The following PCDH15 variants were observed in gnomAD, a reference collection of about 807,000 sequenced individuals.
PCDH15 encodes the protein protocadherin-15.
Under a neutral mutation model 178.5 loss-of-function variants are expected in PCDH15, and 129 were observed. The ratio of observed to expected loss-of-function variants is 0.72; its 90% CI spans 0.63 to 0.84. PCDH15 has a LOEUF of 0.84. Ranked by LOEUF, PCDH15 falls within the 40% of genes least tolerant of loss-of-function variation. PCDH15 has a pLI of 0.00. For synonymous variants in PCDH15, 800 were observed against 732.0 expected (o/e 1.09, Z -1.50); for missense variants, 2,230 against 2,099.9 (o/e 1.06, Z -1.21).
intron 8 of PCDH15, among the ~76,000 whole-genome samples, chr10:54,310,190 T>C (rs193238194): frequency 3.9e-4 from 60 of 152,166 alleles, no homozygotes; most frequent in African/African-American, 1.4e-3. Flanking sequence ...CTTTGAATGA[T>C]AAGATAAAAG....
In PCDH15 at chr10:53,806,539, T is replaced by TGTAA. The variant is rs200157124; in HGVS notation, c.*36_*39dup. 10,803 of 1,444,890 alleles carry TGTAA rather than the reference T, an allele frequency of 7.5e-3. 56 individuals carry two copies. Among genetic ancestry groups the TGTAA allele is most frequent in the Non-Finnish European group, 8.8e-3 (9,360 of 1,068,552 alleles). The allele number at this position is 1,444,890 out of a possible 1,614,324, so 89.5% of individuals were successfully genotyped here. On this transcript the variant is annotated 3_prime_UTR_variant, in exon 38 of 38. Coordinates refer to ENST00000644397, the MANE Select transcript of PCDH15 (RefSeq NM_001384140.1). Reference sequence around the variant, plus strand: ...AATAAAAAGCACAGTTTATTAAAAATGTAAGTAAAAATTAATTAAAATATC... The same window carrying TGTAA: ...AATAAAAAGCACAGTTTATTAAAAATGTAAGTAAGTAAAAATTAATTAAAATATC...
chr10:53,809,217 T>A, intron 37 of PCDH15: 1 of 1,613,942 alleles, frequency 6.2e-7, no homozygotes, highest in Non-Finnish European at 8.5e-7. Context: ...CAGACTCTTC[T>A]TCACTGTATT....
At chr10:54,776,437 T>C (rs77350520) in intron 1 of PCDH15, among the ~76,000 whole-genome samples, 24 of 145,370 alleles carry the variant, frequency 1.7e-4, no homozygotes, top group African/African-American at 5.8e-4. Flanking sequence ...ACCATACAAT[T>C]AAAAAAAAAA....
chr10:55,341,805 ATTTTTTTTTTTTT>A (rs869187882), intron 2 of PCDH15, among the ~76,000 whole-genome samples: 283 of 15,932 alleles, frequency 0.018, 1 homozygote, highest in African/African-American at 0.028. Context: ...ATATATATAT[ATTTTTTTTTTTTT>A]TTTTTTTTTT....
At chr10:55,383,124 C>T (rs1433205676) in intron 2 of PCDH15, among the ~76,000 whole-genome samples, 1 of 151,996 alleles carries the variant, frequency 6.6e-6, no homozygotes, top group African/African-American at 2.4e-5. Context: ...ATGGGAGTGG[C>T]TCTCAGTGGA....
chr10:55,399,098 A>C (rs1838000192), intron 2 of PCDH15, among the ~76,000 whole-genome samples: 1 of 152,192 alleles, frequency 6.6e-6, no homozygotes, highest in Non-Finnish European at 1.5e-5. Flanking sequence ...GTATATGTAC[A>C]AAATTCATTT....
At chr10:54,217,044 C>T (rs1478538452) in intron 9 of PCDH15, among the ~76,000 whole-genome samples, 1 of 152,022 alleles carries the variant, frequency 6.6e-6, no homozygotes, top group African/African-American at 2.4e-5. Flanking sequence ...CAAAGGAATA[C>T]ATACACACAT....
intron 2 of PCDH15, among the ~76,000 whole-genome samples, chr10:55,077,923 A>C (rs138232543): frequency 2.0e-5 from 3 of 152,072 alleles, no homozygotes; most frequent in Non-Finnish European, 2.9e-5. Context: ...TGAGTTTTAT[A>C]CTTTTGTATA....
chr10:54,955,482 T>A (rs1838461932), intron 2 of PCDH15, among the ~76,000 whole-genome samples: 1 of 151,284 alleles, frequency 6.6e-6, no homozygotes, highest in Admixed American at 6.6e-5. Flanking sequence ...CAGTAAAAAA[T>A]TAAATAAAAT....
chr10:55,179,925 A>T (rs1457862449), intron 1 of PCDH15, among the ~76,000 whole-genome samples: 1 of 152,056 alleles, frequency 6.6e-6, no homozygotes, highest in African/African-American at 2.4e-5. Context: ...TCTCTCAGAA[A>T]TTCAAAACTG....
intron 3 of PCDH15, among the ~76,000 whole-genome samples, chr10:54,831,846 CA>C (rs1953231726): frequency 6.6e-6 from 1 of 151,938 alleles, no homozygotes; most frequent in African/African-American, 2.4e-5. Context: ...AAATAAAAGA[CA>C]AAGTATAAAG....
At chr10:55,381,512 T>C (rs573130720) in intron 2 of PCDH15, among the ~76,000 whole-genome samples, 5 of 152,118 alleles carry the variant, frequency 3.3e-5, no homozygotes, top group African/African-American at 7.2e-5. Flanking sequence ...CAGAGCATAC[T>C]GGAGAACAAG....
chr10:54,727,501 TCA>T (rs960091544), intron 1 of PCDH15, among the ~76,000 whole-genome samples: 3 of 150,662 alleles, frequency 2.0e-5, no homozygotes, highest in Non-Finnish European at 4.5e-5. Flanking sequence ...AAGACAGATT[TCA>T]CACTAACAAC....
Position 53,900,609 on chromosome 10 carries a change from C to T in PCDH15, c.3501+2634G>A, listed in dbSNP as rs117659869. Among the ~76,000 whole-genome samples, 1,264 of 152,218 alleles carry T rather than the reference C, an allele frequency of 8.3e-3. 9 individuals are homozygous for T. The highest frequency in any genetic ancestry group is 0.014 in the Middle Eastern group (4 of 294). ...ATCACAGACCATCATCAACAAAATC[C>T]CCTAAATGTTCAACTTTCCCTCTGA... On this transcript the variant is annotated intron_variant, in intron 26 of 37. Coordinates refer to ENST00000644397, the MANE Select transcript of PCDH15 (RefSeq NM_001384140.1).
chr10:54,534,766 C>A (rs563906158), intron 2 of PCDH15, among the ~76,000 whole-genome samples: 1 of 152,130 alleles, frequency 6.6e-6, no homozygotes, highest in Middle Eastern at 3.2e-3. Context: ...ATGTCACAAG[C>A]AGCAGGAGAG....
At chr10:55,385,836 C>T (rs536045658) in intron 2 of PCDH15, among the ~76,000 whole-genome samples, 210 of 149,066 alleles carry the variant, frequency 1.4e-3, no homozygotes, top group African/African-American at 5.0e-3. Flanking sequence ...CGTATATATA[C>T]GTAGATATGC....
At chr10:55,503,345 AAAAT>A (rs1344264980) in intron 2 of PCDH15, among the ~76,000 whole-genome samples, 2 of 148,884 alleles carry the variant, frequency 1.3e-5, no homozygotes, top group African/African-American at 4.9e-5. Flanking sequence ...TTTATTAATT[AAAAT>A]AAATTTAAAT....
intron 17 of PCDH15, among the ~76,000 whole-genome samples, chr10:54,071,213 A>G (rs1040369119): frequency 6.6e-6 from 1 of 152,174 alleles, no homozygotes; most frequent in African/African-American, 2.4e-5. Flanking sequence ...TAAATAATAC[A>G]ATTTTCATTT....
chr10:54,820,014 GAA>G (rs10712301), intron 3 of PCDH15, among the ~76,000 whole-genome samples: 37 of 151,598 alleles, frequency 2.4e-4, no homozygotes, highest in Middle Eastern at 3.4e-3. Flanking sequence ...TAAGTTTCTG[GAA>G]AAAAAAAATC....
Sources: gnomAD v4.1 joint callset for allele counts (sites outside exome capture counted in the v4.1 genomes callset) on GRCh38, gnomAD v4.1.1 for gene constraint, MANE v1.5 for transcripts, NCBI Gene and HGNC (gene_info 2026-07-23, HGNC 2026-07-21) for gene names.